The following CRACDL variants were observed in gnomAD, a reference collection of about 807,000 sequenced individuals.
CRACDL encodes the protein CRACD-like protein.
In CRACDL, 26 loss-of-function variants were observed where a neutral mutation model predicts 70.6. The observed-to-expected ratio is 0.37, with a 90% confidence interval of 0.27 to 0.51. The LOEUF (loss-of-function observed/expected upper bound fraction) is 0.51. Ranked by LOEUF, CRACDL falls within the 20% of genes least tolerant of loss-of-function variation. The probability of loss-of-function intolerance (pLI) is 0.94; values close to 1 mark genes in which losing one functional copy is unlikely to be tolerated. For synonymous variants in CRACDL, 618 were observed against 615.2 expected (o/e 1.00, Z -0.07); for missense variants, 1,283 against 1,376.9 (o/e 0.93, Z 1.08).
At chr2:98,802,965 A>G (rs1240769044) in intron 7 of CRACDL, among the ~76,000 whole-genome samples, 65 of 149,502 alleles carry the variant, frequency 4.3e-4, no homozygotes, top group Non-Finnish European at 3.0e-5. Flanking sequence ...CCTCCTGAGT[A>G]GCTGGAATTA....
chr2:98,832,042 T>C (rs1705564245), intron 5 of CRACDL, among the ~76,000 whole-genome samples: 1 of 152,006 alleles, frequency 6.6e-6, no homozygotes, highest in Non-Finnish European at 1.5e-5. Context: ...TCTAATGGGG[T>C]TCTGGGTCTG....
chr2:98,880,435 A>G (rs1378023470), intron 1 of CRACDL, among the ~76,000 whole-genome samples: 2 of 152,232 alleles, frequency 1.3e-5, no homozygotes, highest in African/African-American at 4.8e-5. Context: ...ATGAGCACCA[A>G]GCCAGGCAAC....
rs764850605 is a variant in CRACDL, at chr2:98,832,987, C to T, written c.250G>A (p.Gly84Ser). 1.1e-5 allele frequency: 17 copies of T among 1,612,416 alleles called. No individual in the cohort carries two copies. Among genetic ancestry groups the T allele is most frequent in the Non-Finnish European group, 1.4e-5 (16 of 1,179,332 alleles). ...DSEDELEESRGTLGSRALSHD... is the reference protein window; with the variant it reads ...DSEDELEESRSTLGSRALSHD... ...GAAAGGGCCCGGCTGCCCAGCGTGC[C>T]CCTCGACTCCCTAGGATAAAAGAGC... Residue 84 changes from glycine to serine, a missense_variant, in exon 4 of 10, where the codon GGC becomes AGC. Gly to Ser is a moderately conservative substitution (Grantham distance 56, BLOSUM62 0). Transcript: ENST00000397899.
chr2:98,815,739 C>T (rs763014966), intron 7 of CRACDL, among the ~76,000 whole-genome samples: 65 of 152,136 alleles, frequency 4.3e-4, no homozygotes, highest in Admixed American at 1.2e-3. Flanking sequence ...GCTAAAGGAC[C>T]GTTGCCCTGC....
chr2:98,853,683 AC>A (rs1297500846), intron 1 of CRACDL, among the ~76,000 whole-genome samples: 3 of 152,318 alleles, frequency 2.0e-5, no homozygotes, highest in East Asian at 3.9e-4. Flanking sequence ...AACTAAAAAA[AC>A]TATTATGAAT....
intron 1 of CRACDL, among the ~76,000 whole-genome samples, chr2:98,931,934 C>T (rs17022083): frequency 0.012 from 1,851 of 152,252 alleles, 40 homozygotes; most frequent in African/African-American, 0.042. Context: ...TGGGTTAGAC[C>T]CCCTTAAAAG....
intron 7 of CRACDL, among the ~76,000 whole-genome samples, chr2:98,811,654 A>T (rs1350783442): frequency 6.6e-6 from 1 of 152,184 alleles, no homozygotes; most frequent in Non-Finnish European, 1.5e-5. Context: ...CAGAATATCA[A>T]CACCCTGAAG....
intron 7 of CRACDL, among the ~76,000 whole-genome samples, chr2:98,816,050 G>A (rs369270741): frequency 6.6e-6 from 1 of 152,088 alleles, no homozygotes; most frequent in African/African-American, 2.4e-5. Flanking sequence ...CTGGTGGTGG[G>A]GGGGTGCAGT....
At chr2:98,893,885 C>T (rs752293226) in intron 1 of CRACDL, among the ~76,000 whole-genome samples, 2 of 152,330 alleles carry the variant, frequency 1.3e-5, no homozygotes, top group Admixed American at 6.5e-5. Flanking sequence ...TCCACACGAA[C>T]GCCCGTGCAC....
chr2:98,836,313 ACT>A (rs1304572449), intron 3 of CRACDL, among the ~76,000 whole-genome samples: 4 of 151,576 alleles, frequency 2.6e-5, no homozygotes, highest in African/African-American at 9.7e-5. Context: ...GTTGCCGCAG[ACT>A]CTCCCACAGG....
chr2:98,906,114 C>A (rs906155180), intron 1 of CRACDL, among the ~76,000 whole-genome samples: 5 of 152,152 alleles, frequency 3.3e-5, no homozygotes, highest in African/African-American at 9.7e-5. Flanking sequence ...TAAGGCTCTG[C>A]TAATTTCTTT....
chr2:98,900,507 T>A (rs911916769), intron 1 of CRACDL, among the ~76,000 whole-genome samples: 2 of 151,986 alleles, frequency 1.3e-5, no homozygotes, highest in African/African-American at 4.8e-5. Flanking sequence ...AATACCCTCC[T>A]CCTCTGGCTT....
intron 1 of CRACDL, among the ~76,000 whole-genome samples, chr2:98,858,086 A>T (rs904709179): frequency 6.6e-6 from 1 of 152,232 alleles, no homozygotes; most frequent in African/African-American, 2.4e-5. Context: ...TCAAAGAATA[A>T]ATTACATGAA....
intron 3 of CRACDL, among the ~76,000 whole-genome samples, chr2:98,833,494 G>A (rs1381584402): frequency 6.6e-6 from 1 of 152,214 alleles, no homozygotes; most frequent in African/African-American, 2.4e-5. Flanking sequence ...ATCCGTGGGT[G>A]GTTTGAAATG....
intron 3 of CRACDL, among the ~76,000 whole-genome samples, chr2:98,835,638 G>T (rs1336138628): frequency 6.6e-6 from 1 of 152,102 alleles, no homozygotes; most frequent in Non-Finnish European, 1.5e-5. Flanking sequence ...AAACCCACTG[G>T]CCACTGTCAG....
chr2:98,878,229 G>A (rs996339657), intron 1 of CRACDL, among the ~76,000 whole-genome samples: 1 of 152,190 alleles, frequency 6.6e-6, no homozygotes, highest in Non-Finnish European at 1.5e-5. Flanking sequence ...TTACAGGCAT[G>A]AGCCACCGCA....
chr2:98,860,705 G>A lies in CRACDL; in HGVS notation c.-10-13895C>T, dbSNP rs556376102. Among the ~76,000 whole-genome samples, 23 of 152,288 alleles carry A rather than the reference G, an allele frequency of 1.5e-4. No individual in the cohort carries two copies. The South Asian group carries it at 4.1e-3, about 27-fold the overall frequency. On this transcript the variant is annotated intron_variant, in intron 1 of 9. Transcript: ENST00000397899. ...AAACAGGAGTAAGCCTGTCATTTTA[G>A]GTTAGGCAATAATTACTCAGATGTG...
chr2:98,830,426 G>T (rs1417195041), intron 5 of CRACDL, among the ~76,000 whole-genome samples: 1 of 152,150 alleles, frequency 6.6e-6, no homozygotes, highest in African/African-American at 2.4e-5. Flanking sequence ...TACTTTTGGG[G>T]CTTAAGGCAC....
intron 1 of CRACDL, among the ~76,000 whole-genome samples, chr2:98,898,288 G>C (rs948747447): frequency 1.3e-5 from 2 of 152,270 alleles, no homozygotes; most frequent in Non-Finnish European, 2.9e-5. Flanking sequence ...AAGCCAGCTT[G>C]GTATGCAATG....
Sources: allele counts gnomAD v4.1 joint callset (sites outside exome capture counted in the v4.1 genomes callset), GRCh38; gene constraint gnomAD v4.1.1; transcripts MANE v1.5; gene names NCBI Gene and HGNC (gene_info 2026-07-23, HGNC 2026-07-21).